The following KIF6 variants were observed in gnomAD, a reference collection of about 807,000 sequenced individuals.
KIF6 encodes the protein kinesin-like protein KIF6.
In KIF6, 106 loss-of-function variants were observed where a neutral mutation model predicts 112.7. That is an observed-to-expected ratio of 0.94 (90% CI 0.80 to 1.11). KIF6 has a LOEUF of 1.11. KIF6 is among the 50% of genes least tolerant of loss of function. KIF6 has a pLI of 0.00. For synonymous variants in KIF6, 339 were observed against 339.9 expected (o/e 1.00, Z 0.03); for missense variants, 929 against 964.0 (o/e 0.96, Z 0.48).
intron 3 of KIF6, among the ~76,000 whole-genome samples, chr6:39,678,541 C>T (rs1371268183): frequency 6.6e-6 from 1 of 152,202 alleles, no homozygotes; most frequent in Non-Finnish European, 1.5e-5. Context: ...AACATTCCCA[C>T]TGTGTTCCAC....
chr6:39,488,256 C>T (rs1775252854), intron 13 of KIF6, among the ~76,000 whole-genome samples: 2 of 152,198 alleles, frequency 1.3e-5, no homozygotes, highest in South Asian at 4.1e-4. Context: ...CCCTGATATT[C>T]AGTTTACTTG....
In KIF6 at chr6:39,639,831, A is replaced by G. The variant is rs947919789; in HGVS notation, c.252-74T>C. 9 of 1,320,750 alleles carry G rather than the reference A, an allele frequency of 6.8e-6. No homozygotes were observed. In the African/African-American group the frequency reaches 1.1e-4, roughly 15 times the overall value. The allele number at this position is 1,320,750 out of a possible 1,614,324, so 81.8% of individuals were successfully genotyped here. On this transcript the variant is annotated intron_variant, in intron 3 of 22. Transcript: ENST00000287152. ...TATGAATTAAATGGCTTGTATTCTA[A>G]TAACAATCTTATTAAACACTATTAA...
At position 39,378,859 on chromosome 6, in the gene KIF6, T is replaced by C. The variant is rs964474397; in HGVS notation, c.1861+6763A>G. 6.6e-6 allele frequency among the ~76,000 whole-genome samples: 1 copy of C among 152,234 alleles called. No homozygotes were observed. Among genetic ancestry groups the C allele is most frequent in the Non-Finnish European group, 1.5e-5 (1 of 68,032 alleles). ...GGCTGGATTCTTCCAGTTTTAGTCC[T>C]GCTCTGTGTGGCCATCAGAAAGCTG... On this transcript the variant is annotated intron_variant, in intron 16 of 22. Transcript: ENST00000287152. This position sits in a 1 kb window ranked among gnomAD's most constrained non-coding sequence, Gnocchi z 5.0.
intron 3 of KIF6, among the ~76,000 whole-genome samples, chr6:39,711,075 A>G (rs1245934276): frequency 6.7e-6 from 1 of 150,278 alleles, no homozygotes; most frequent in Non-Finnish European, 1.5e-5. Context: ...AATAAAAATG[A>G]GATCACTTTA....
At chr6:39,686,899 A>C (rs1282885220) in intron 3 of KIF6, among the ~76,000 whole-genome samples, 1 of 152,226 alleles carries the variant, frequency 6.6e-6, no homozygotes, top group East Asian at 1.9e-4. Context: ...CCATTCTATG[A>C]CATTTTAATG....
At chr6:39,686,865 T>C (rs528218858) in intron 3 of KIF6, among the ~76,000 whole-genome samples, 45 of 152,328 alleles carry the variant, frequency 3.0e-4, no homozygotes, top group Middle Eastern at 3.4e-3. Flanking sequence ...AGTGTATACC[T>C]GAGACTAGTA....
At chr6:39,538,618 G>T (rs1318818358) in intron 13 of KIF6, among the ~76,000 whole-genome samples, 6 of 150,402 alleles carry the variant, frequency 4.0e-5, no homozygotes, top group South Asian at 2.1e-4. Flanking sequence ...CACTGTTGGT[G>T]GGACTGTAAA....
chr6:39,585,570 C>A (rs1208596485), intron 8 of KIF6, among the ~76,000 whole-genome samples: 1 of 152,178 alleles, frequency 6.6e-6, no homozygotes, highest in African/African-American at 2.4e-5. Context: ...TCCTAAGTGG[C>A]AGCTGGTATA....
At chr6:39,701,567 C>G (rs185845803) in intron 3 of KIF6, among the ~76,000 whole-genome samples, 2 of 152,336 alleles carry the variant, frequency 1.3e-5, no homozygotes, top group Non-Finnish European at 1.5e-5. Context: ...ACTTCACTTA[C>G]AAAACATACG....
intron 3 of KIF6, among the ~76,000 whole-genome samples, chr6:39,677,621 C>T (rs1290847957): frequency 1.5e-4 from 22 of 142,730 alleles, no homozygotes; most frequent in African/African-American, 4.4e-4. Context: ...CATGCTGGTG[C>T]GCTGCACCCA....
chr6:39,396,005 A>G (rs1344664250), intron 15 of KIF6, among the ~76,000 whole-genome samples: 1 of 152,188 alleles, frequency 6.6e-6, no homozygotes, highest in Non-Finnish European at 1.5e-5. Flanking sequence ...TTAATTTTAA[A>G]TCAGTTAGTG....
At chr6:39,567,274 T>C (rs1561817442) in intron 10 of KIF6, among the ~76,000 whole-genome samples, 1 of 152,192 alleles carries the variant, frequency 6.6e-6, no homozygotes, top group Non-Finnish European at 1.5e-5. Flanking sequence ...GTGGGTGCCA[T>C]TACTACTCTC....
intron 15 of KIF6, among the ~76,000 whole-genome samples, chr6:39,410,091 A>G (rs963641515): frequency 6.6e-6 from 1 of 152,254 alleles, no homozygotes; most frequent in Non-Finnish European, 1.5e-5. Flanking sequence ...AGAGGGCCTC[A>G]GCCTGGAGGG....
At chr6:39,583,528 C>T (rs1209012581) in intron 9 of KIF6, 4 of 470,848 alleles carry the variant, frequency 8.5e-6, no homozygotes, top group Non-Finnish European at 1.8e-5. Context: ...CTTTGTCCTC[C>T]TTCCCCCTCT....
In KIF6 at chr6:39,330,340, G is replaced by T; in HGVS notation, c.*6192C>A. On this transcript the variant is annotated 3_prime_UTR_variant, in exon 23 of 23. Transcript: ENST00000287152. The stretch of plus-strand genomic sequence containing the variant: ...TATGTTAGGGGTGGCCTGCATGGAT[G>T]ACGTTGTTGGTCATGGCTGGTCCCA... 6.6e-6 allele frequency: 1 copy of T among 152,354 alleles called. No individual in the cohort carries two copies. The highest frequency in any genetic ancestry group is 1.5e-5 in the Non-Finnish European group (1 of 68,052). 9.4% of individuals were successfully genotyped at this position (152,354 alleles called of 1,614,324 possible). A position where few individuals can be genotyped will look rare whatever the true frequency, so the allele number is the denominator to read the frequency against.
chr6:39,408,976 C>T (rs1186840282), intron 15 of KIF6, among the ~76,000 whole-genome samples: 1 of 152,134 alleles, frequency 6.6e-6, no homozygotes, highest in Non-Finnish European at 1.5e-5. Flanking sequence ...CTGCCTCTTT[C>T]CTTTATTGTC....
At chr6:39,609,003 T>A (rs1402815484) in intron 6 of KIF6, among the ~76,000 whole-genome samples, 1 of 152,208 alleles carries the variant, frequency 6.6e-6, no homozygotes, top group East Asian at 1.9e-4. Context: ...TGTTTCTATA[T>A]CCCTAGAAGG....
At chr6:39,617,063 C>CA (rs1366741404) in intron 5 of KIF6, among the ~76,000 whole-genome samples, 1 of 151,800 alleles carries the variant, frequency 6.6e-6, no homozygotes, top group East Asian at 1.9e-4. Flanking sequence ...TGGAAACCCC[C>CA]AAACTATTTA....
At chr6:39,379,156 G>A (rs1766708654) in intron 16 of KIF6, among the ~76,000 whole-genome samples, 1 of 152,316 alleles carries the variant, frequency 6.6e-6, no homozygotes, top group African/African-American at 2.4e-5. Flanking sequence ...TATGCTTCCT[G>A]CTGTCAGAAA....
Sources: allele counts gnomAD v4.1 joint callset (sites outside exome capture counted in the v4.1 genomes callset), GRCh38; gene constraint gnomAD v4.1.1; non-coding constraint Gnocchi (gnomAD v3.1); transcripts MANE v1.5; gene names NCBI Gene and HGNC (gene_info 2026-07-23, HGNC 2026-07-21).